The following GRM8 variants were observed in gnomAD, a reference collection of about 807,000 sequenced individuals.
GRM8 encodes the protein glutamate metabotropic receptor 8.
Under a neutral mutation model 87.2 loss-of-function variants are expected in GRM8, and 47 were observed. That is an observed-to-expected ratio of 0.54 (90% CI 0.43 to 0.69). GRM8 has a LOEUF of 0.69. GRM8 is among the 30% of genes least tolerant of loss of function. The pLI is 0.00. For synonymous variants in GRM8, 396 were observed against 404.5 expected, an observed-to-expected ratio of 0.98 and a Z score of 0.25; for missense variants, 1,019 against 1,139.2, an observed-to-expected ratio of 0.89 and a Z score of 1.52.
At chr7:126,466,730 CTTTTTGTTCTATTCAGGCCATCAATGGAT>C (rs1220051884) in intron 9 of GRM8, among the ~76,000 whole-genome samples, 2 of 151,876 alleles carry the variant, frequency 1.3e-5, no homozygotes, top group African/African-American at 4.8e-5. Flanking sequence ...CTTCCTGTAC[CTTTTTGTTCTATTCAGGCCATCAATGGAT>C]TGGATGATGC....
At chr7:126,618,832 T>C (rs1425014689) in intron 7 of GRM8, among the ~76,000 whole-genome samples, 1 of 152,192 alleles carries the variant, frequency 6.6e-6, no homozygotes, top group African/African-American at 2.4e-5. Flanking sequence ...AGATACCATC[T>C]GACACCAGTT....
intron 2 of GRM8, among the ~76,000 whole-genome samples, chr7:127,138,141 G>T (rs1828044265): frequency 6.6e-6 from 1 of 152,144 alleles, no homozygotes; most frequent in Admixed American, 6.5e-5. Flanking sequence ...CACAAGAGAG[G>T]TTCCACAGCC....
At chr7:126,758,876 CCTCA>C (rs1345296029) in intron 7 of GRM8, among the ~76,000 whole-genome samples, 7 of 151,318 alleles carry the variant, frequency 4.6e-5, no homozygotes, top group Non-Finnish European at 8.9e-5. Context: ...CATTAATGTC[CCTCA>C]CTTTTTCTTT....
intron 8 of GRM8, among the ~76,000 whole-genome samples, chr7:126,604,697 G>A (rs1798176658): frequency 6.6e-6 from 1 of 152,028 alleles, no homozygotes; most frequent in Non-Finnish European, 1.5e-5. Flanking sequence ...TTGACTTTGA[G>A]ATCTTTTTCT....
intron 3 of GRM8, among the ~76,000 whole-genome samples, chr7:126,985,928 A>C (rs1316773305): frequency 6.6e-6 from 1 of 152,224 alleles, no homozygotes; most frequent in Non-Finnish European, 1.5e-5. Context: ...GAACTACTAA[A>C]AGATTGTTAA....
intron 3 of GRM8, among the ~76,000 whole-genome samples, chr7:127,061,514 G>A (rs1820590731): frequency 6.6e-6 from 1 of 152,128 alleles, no homozygotes; most frequent in Non-Finnish European, 1.5e-5. Flanking sequence ...AGGTGAATGG[G>A]CACAGATCAA....
chr7:126,727,759 A>G (rs1299447680), intron 7 of GRM8, among the ~76,000 whole-genome samples: 1 of 151,442 alleles, frequency 6.6e-6, no homozygotes, highest in Non-Finnish European at 1.5e-5. Context: ...AAACAAAACT[A>G]TAGGTCCTCC....
chr7:126,684,339 G>GT (rs1262645177), intron 7 of GRM8, among the ~76,000 whole-genome samples: 4 of 152,158 alleles, frequency 2.6e-5, no homozygotes, highest in African/African-American at 9.7e-5. Context: ...CCGGCTCCCA[G>GT]TGATTCTTGC....
Position 126,541,500 on chromosome 7 carries a change from G to A in GRM8, c.1495-7613C>T, listed in dbSNP as rs144387358. ...TGGATGCCATCCTGAAGGTAGTTGG[G>A]ATCTTCCATAGGGATATAGCCAGGA... On this transcript the variant is annotated intron_variant, in intron 8 of 10. Coordinates refer to ENST00000339582, the MANE Select transcript of GRM8 (RefSeq NM_000845.3). Among the ~76,000 whole-genome samples, 151 of 152,238 alleles carry A rather than the reference G, an allele frequency of 9.9e-4. 1 individual carries two copies. The highest frequency in any genetic ancestry group is 3.4e-3 in the African/African-American group (141 of 41,554).
chr7:126,696,713 C>T (rs1441334884), intron 7 of GRM8, among the ~76,000 whole-genome samples: 3 of 152,046 alleles, frequency 2.0e-5, no homozygotes, highest in Non-Finnish European at 4.4e-5. Context: ...AGGAACAAAT[C>T]AGAGAAGATA....
intron 7 of GRM8, among the ~76,000 whole-genome samples, chr7:126,752,810 T>A (rs1174243971): frequency 2.0e-5 from 3 of 152,132 alleles, no homozygotes; most frequent in Non-Finnish European, 2.9e-5. Flanking sequence ...TCAGTTCAAA[T>A]ATCTCTATCT....
chr7:127,170,626 T>TAC (rs1220934667), intron 2 of GRM8, among the ~76,000 whole-genome samples: 2 of 152,070 alleles, frequency 1.3e-5, no homozygotes, highest in East Asian at 1.9e-4. Flanking sequence ...TAAATTGTGA[T>TAC]ACACACACAC....
rs149753513 is a variant in GRM8, at chr7:126,913,742, C to T, written c.728-9059G>A. Among the ~76,000 whole-genome samples, 47 of 152,274 alleles carry T rather than the reference C, an allele frequency of 3.1e-4. 1 individual carries two copies. The highest frequency in any genetic ancestry group is 9.9e-4 in the African/African-American group (41 of 41,538). On this transcript the variant is annotated intron_variant, in intron 3 of 10. Transcript: ENST00000339582. ...TCTATGGTTTAAATAAGTGTAATCA[C>T]GCCTCCTGTAACAATATTTTCGCCT...
intron 8 of GRM8, among the ~76,000 whole-genome samples, chr7:126,599,820 T>C (rs998384718): frequency 6.6e-6 from 1 of 152,142 alleles, no homozygotes; most frequent in Non-Finnish European, 1.5e-5. Context: ...AGACATATCC[T>C]TGGATGCTGA....
chr7:126,549,662 T>A (rs993034719), intron 8 of GRM8, among the ~76,000 whole-genome samples: 3 of 152,190 alleles, frequency 2.0e-5, no homozygotes, highest in Non-Finnish European at 2.9e-5. Context: ...TAATTAATAA[T>A]ATGACAAGGT....
chr7:126,758,088 C>T (rs1471399838), intron 7 of GRM8, among the ~76,000 whole-genome samples: 1 of 152,098 alleles, frequency 6.6e-6, no homozygotes, highest in African/African-American at 2.4e-5. Flanking sequence ...GGAGATTTAT[C>T]AGATGCTTTG....
chr7:126,951,316 A>G (rs973569439), intron 3 of GRM8, among the ~76,000 whole-genome samples: 2 of 152,082 alleles, frequency 1.3e-5, no homozygotes, highest in African/African-American at 4.8e-5. Flanking sequence ...GAAGACGGAA[A>G]TGGTTATGTG....
At chr7:126,791,949 C>T (rs1423489433) in intron 6 of GRM8, among the ~76,000 whole-genome samples, 1 of 152,130 alleles carries the variant, frequency 6.6e-6, no homozygotes, top group Non-Finnish European at 1.5e-5. Flanking sequence ...CTTACTGATG[C>T]TGAGTTTGCT....
At chr7:126,447,802 A>G (rs539870465) in intron 9 of GRM8, among the ~76,000 whole-genome samples, 1 of 152,002 alleles carries the variant, frequency 6.6e-6, no homozygotes, top group South Asian at 2.1e-4. Flanking sequence ...AAATCATACC[A>G]TGCACACTGC....
Sources: gnomAD v4.1 joint callset for allele counts (sites outside exome capture counted in the v4.1 genomes callset) on GRCh38, gnomAD v4.1.1 for gene constraint, MANE v1.5 for transcripts, NCBI Gene and HGNC (gene_info 2026-07-23, HGNC 2026-07-21) for gene names.